Variants in VAT1L observed in about 807,000 individuals in gnomAD.
VAT1L encodes the protein vesicle amine transport 1 like, also known as putative NADPH-dependent quinone oxidoreductase VAT1L.
In VAT1L, 34 loss-of-function variants were observed where a neutral mutation model predicts 44.1. The observed-to-expected ratio is 0.77, with a 90% CI of 0.59 to 1.03. The LOEUF (loss-of-function observed/expected upper bound fraction) is 1.03. Ranked by LOEUF, VAT1L falls within the 50% of genes least tolerant of loss-of-function variation. The pLI, the probability that VAT1L is intolerant of heterozygous loss-of-function variation, is 0.00. For synonymous variants in VAT1L, 253 were observed against 202.2 expected (o/e 1.25, Z -2.13); for missense variants, 615 against 538.8 (o/e 1.14, Z -1.40).
At chr16:77,952,801 G>A (rs2018059117) in intron 7 of VAT1L, among the ~76,000 whole-genome samples, 1 of 136,658 alleles carries the variant, frequency 7.3e-6, no homozygotes, top group African/African-American at 2.8e-5. Flanking sequence ...AGGTTGCACT[G>A]AGCCAAGATG....
At chr16:77,809,626 A>G (rs2016229674) in intron 1 of VAT1L, among the ~76,000 whole-genome samples, 1 of 152,208 alleles carries the variant, frequency 6.6e-6, no homozygotes, top group Non-Finnish European at 1.5e-5. Context: ...CTTGCATTAC[A>G]AAAAGTGATT....
chr16:77,815,759 G>C (rs1190409133), intron 1 of VAT1L, among the ~76,000 whole-genome samples: 1 of 151,598 alleles, frequency 6.6e-6, no homozygotes, highest in Admixed American at 6.6e-5. Context: ...ACCTGAGTTA[G>C]GAGTTTGAGA....
chr16:77,976,337 G>A (rs1006828205), intron 8 of VAT1L, among the ~76,000 whole-genome samples: 9 of 152,180 alleles, frequency 5.9e-5, no homozygotes, highest in Non-Finnish European at 8.8e-5. Flanking sequence ...ATTCTGCAAA[G>A]GCTTCCTTGA....
chr16:77,856,713 A>G (rs2016863044), intron 3 of VAT1L, among the ~76,000 whole-genome samples: 1 of 152,232 alleles, frequency 6.6e-6, no homozygotes, highest in Non-Finnish European at 1.5e-5. Flanking sequence ...GTTGATTAAC[A>G]TCTGGTTGAA....
chr16:77,954,629 A>G (rs2018081960), intron 7 of VAT1L, among the ~76,000 whole-genome samples: 1 of 152,212 alleles, frequency 6.6e-6, no homozygotes, highest in South Asian at 2.1e-4. Context: ...TCTCAAAAAA[A>G]TAAATAATAA....
chr16:77,964,916 G>A (rs1217151536), intron 7 of VAT1L, among the ~76,000 whole-genome samples: 3 of 149,822 alleles, frequency 2.0e-5, no homozygotes, highest in South Asian at 2.1e-4. Flanking sequence ...TCAGCCTCCC[G>A]AGTAGCTGGG....
chr16:77,822,779 A>G (rs2016473662), intron 2 of VAT1L, among the ~76,000 whole-genome samples: 1 of 152,136 alleles, frequency 6.6e-6, no homozygotes, highest in Admixed American at 6.6e-5. Context: ...AAGCGAGCAG[A>G]CCAGACTTTG....
In VAT1L at chr16:77,802,468, A is replaced by G. The variant is rs143859344; in HGVS notation, c.233+13553A>G. On this transcript the variant is annotated intron_variant, in intron 1 of 8. Coordinates refer to ENST00000302536, the MANE Select transcript of VAT1L (RefSeq NM_020927.3). ...CGTCTCTACTAAAAATACAAAAATT[A>G]GCCAGGTGTGGTGGCAGGCGCCTGT... Among the ~76,000 whole-genome samples, 1,054 of 152,172 alleles carry G rather than the reference A, an allele frequency of 6.9e-3. 11 individuals carry two copies. Among genetic ancestry groups the G allele is most frequent in the African/African-American group, 0.023 (943 of 41,496 alleles).
intron 1 of VAT1L, among the ~76,000 whole-genome samples, chr16:77,796,500 T>G (rs2015936069): frequency 6.6e-6 from 1 of 152,222 alleles, no homozygotes; most frequent in African/African-American, 2.4e-5. Context: ...TGGGTTCAGA[T>G]CCTAACTCTA....
intron 7 of VAT1L, among the ~76,000 whole-genome samples, chr16:77,925,909 T>A (rs1211058295): frequency 6.6e-6 from 1 of 152,136 alleles, no homozygotes; most frequent in Admixed American, 6.6e-5. Context: ...TATTGGGTCC[T>A]TGAGTGATCA....
chr16:77,942,017 G>T (rs1400355365), intron 7 of VAT1L, among the ~76,000 whole-genome samples: 3 of 152,156 alleles, frequency 2.0e-5, no homozygotes, highest in Admixed American at 2.0e-4. Flanking sequence ...ATTCTGACTG[G>T]TTTGAGATGA....
At chr16:77,893,919 G>A (rs1035712014) in intron 7 of VAT1L, among the ~76,000 whole-genome samples, 1 of 152,164 alleles carries the variant, frequency 6.6e-6, no homozygotes, top group Non-Finnish European at 1.5e-5. Flanking sequence ...GTTTATATGT[G>A]CCAAGTACCT....
At chr16:77,843,528 G>A (rs1399791745) in intron 3 of VAT1L, among the ~76,000 whole-genome samples, 10 of 152,342 alleles carry the variant, frequency 6.6e-5, no homozygotes, top group South Asian at 2.1e-4. Flanking sequence ...TTACACCAGT[G>A]AGGCTGAAAG....
chr16:77,829,443 G>T (rs1205756452), intron 3 of VAT1L, among the ~76,000 whole-genome samples: 1 of 152,174 alleles, frequency 6.6e-6, no homozygotes, highest in Non-Finnish European at 1.5e-5. Flanking sequence ...ACTTAGCTAT[G>T]GTTTTAAGGA....
At chr16:77,789,295 G>A (rs1045663028) in intron 1 of VAT1L, among the ~76,000 whole-genome samples, 2 of 152,276 alleles carry the variant, frequency 1.3e-5, no homozygotes, top group South Asian at 4.1e-4. Flanking sequence ...CAAGCCCACT[G>A]TGTGCCAGCC....
Position 77,943,341 on chromosome 16 carries a change from G to A in VAT1L, c.1078-28509G>A, listed in dbSNP as rs192702219. On this transcript the variant is annotated intron_variant, in intron 7 of 8. Transcript: ENST00000302536. Reference sequence around the variant, plus strand: ...CAAAGTGCTGCGATTACAGATTACAGGCGTGAACCACCGCACTTGGCCTAT... The same window carrying A: ...CAAAGTGCTGCGATTACAGATTACAAGCGTGAACCACCGCACTTGGCCTAT... Among the ~76,000 whole-genome samples the A allele has an allele frequency of 1.1e-3, 169 of 151,792 alleles. 1 individual carries two copies. Among genetic ancestry groups the A allele is most frequent in the African/African-American group, 3.9e-3 (163 of 41,428 alleles).
intron 7 of VAT1L, among the ~76,000 whole-genome samples, chr16:77,929,404 AG>A (rs2017704088): frequency 6.6e-6 from 1 of 152,174 alleles, no homozygotes; most frequent in Non-Finnish European, 1.5e-5. Flanking sequence ...ATTAGGCCCT[AG>A]GGAGTTTCAA....
At position 77,939,598 on chromosome 16, in the gene VAT1L, T is replaced by C. The variant is rs538075694; in HGVS notation, c.1078-32252T>C. Among the ~76,000 whole-genome samples, 185 of 152,268 alleles carry C rather than the reference T, an allele frequency of 1.2e-3. 2 individuals carry two copies. Among genetic ancestry groups the C allele is most frequent in the African/African-American group, 4.1e-3 (171 of 41,556 alleles). ...TCCAGTAACCTGGGTTTGGCTCTTC[T>C]CTTGCTTCCTGGGTACAAGAAAATC... On this transcript the variant is annotated intron_variant, in intron 7 of 8. Coordinates refer to ENST00000302536, the MANE Select transcript of VAT1L (RefSeq NM_020927.3).
intron 1 of VAT1L, among the ~76,000 whole-genome samples, chr16:77,809,479 C>G (rs542168393): frequency 1.3e-3 from 193 of 151,926 alleles, no homozygotes; most frequent in Non-Finnish European, 1.9e-3. Flanking sequence ...TCCATGGGAA[C>G]AGCTGACATT....
Sources: allele counts gnomAD v4.1 joint callset (sites outside exome capture counted in the v4.1 genomes callset), GRCh38; gene constraint gnomAD v4.1.1; transcripts MANE v1.5; gene names NCBI Gene and HGNC (gene_info 2026-07-23, HGNC 2026-07-21).